The following FASTKD1 variants were observed in gnomAD, a reference collection of about 807,000 sequenced individuals.
FASTKD1 encodes the protein FAST kinase domain-containing protein 1, mitochondrial.
FASTKD1 carries 94 observed loss-of-function variants against 90.9 expected under a neutral mutation model. The ratio of observed to expected loss-of-function variants is 1.03; its 90% CI spans 0.88 to 1.23. The LOEUF (loss-of-function observed/expected upper bound fraction) is 1.23, where lower values mean the gene tolerates loss of function less well. Among genes scored for constraint, FASTKD1 ranks in the 50% most tolerant of loss-of-function variants. FASTKD1 has a pLI of 0.00. For missense variants in FASTKD1, 945 were observed against 993.5 expected, an observed-to-expected ratio of 0.95 and a Z score of 0.66; for synonymous variants, 319 against 345.8, an observed-to-expected ratio of 0.92 and a Z score of 0.86.
chr2:169,529,061 A>G lies in FASTKD1; in HGVS notation c.*764T>C, dbSNP rs1041964242. 4.6e-5 allele frequency among the ~76,000 whole-genome samples: 7 copies of G among 152,112 alleles called. No individual in the cohort carries two copies. Among genetic ancestry groups the G allele is most frequent in the Admixed American group, 2.0e-4 (3 of 15,260 alleles). On this transcript the variant is annotated 3_prime_UTR_variant, in exon 15 of 15. Coordinates refer to ENST00000453153, the MANE Select transcript of FASTKD1 (RefSeq NM_024622.6). ...ATACTGCTGACATTTATACATTTAT[A>G]TCTGGGGCCTGGACCTCTTCCCTGA...
chr2:169,566,261 G>T (rs1683980510), intron 3 of FASTKD1, among the ~76,000 whole-genome samples: 1 of 152,026 alleles, frequency 6.6e-6, no homozygotes. Flanking sequence ...ACATACTGAG[G>T]TATTTAAAGA....
At chr2:169,569,066 A>G in intron 3 of FASTKD1, 118 bp downstream of exon 3, 1 of 818,350 alleles carries the variant, frequency 1.2e-6, no homozygotes, top group Non-Finnish European at 2.0e-6. Context: ...GAGTTTAAAT[A>G]CATTTTTTTC....
chr2:169,562,440 C>G (rs909303247), intron 4 of FASTKD1, among the ~76,000 whole-genome samples: 2 of 151,996 alleles, frequency 1.3e-5, no homozygotes, highest in Non-Finnish European at 2.9e-5. Context: ...GCCATGTTGG[C>G]CAGGCTGGTC....
chr2:169,542,608 G>A (rs1015618951), intron 9 of FASTKD1, among the ~76,000 whole-genome samples: 1 of 152,224 alleles, frequency 6.6e-6, no homozygotes, highest in African/African-American at 2.4e-5. Flanking sequence ...GCACACGCCT[G>A]TAATTCCAGC....
Position 169,555,541 on chromosome 2 carries a change from A to G in FASTKD1, c.1083-286T>C, listed in dbSNP as rs183740912. 5.6e-4 allele frequency among the ~76,000 whole-genome samples: 85 copies of G among 152,358 alleles called. No individual in the cohort carries two copies. The East Asian group carries it at 0.013, about 24-fold the overall frequency. The stretch of plus-strand genomic sequence containing the variant: ...TTCCTCAGTTAAACAAATCTCACAC[A>G]GCATCAACTTCCACATCCTCCCCAT... On this transcript the variant is annotated intron_variant, in intron 6 of 14. Transcript: ENST00000453153.
intron 9 of FASTKD1, among the ~76,000 whole-genome samples, chr2:169,542,682 T>C (rs534443140): frequency 1.3e-5 from 2 of 152,256 alleles, no homozygotes; most frequent in Admixed American, 6.5e-5. Flanking sequence ...CTGGGCAACG[T>C]AGCAAGACCC....
At chr2:169,551,624 C>T (rs956685036) in intron 7 of FASTKD1, among the ~76,000 whole-genome samples, 2 of 152,006 alleles carry the variant, frequency 1.3e-5, no homozygotes, top group African/African-American at 2.4e-5. Flanking sequence ...TGGCAAAACC[C>T]CATCTCTACT....
At chr2:169,537,032 C>G (rs1684750166) in intron 12 of FASTKD1, 195 bp downstream of exon 12, 5 of 241,818 alleles carry the variant, frequency 2.1e-5, no homozygotes, top group Middle Eastern at 1.6e-3. Context: ...AGAAAACGCT[C>G]TTGGTTATCA....
chr2:169,555,002 T>G, intron 7 of FASTKD1, 122 bp downstream of exon 7: 2 of 879,518 alleles, frequency 2.3e-6, no homozygotes, highest in Non-Finnish European at 3.4e-6. Context: ...GTCTTAACAT[T>G]TTTACTAATA....
chr2:169,531,392 T>C lies in FASTKD1; in HGVS notation c.2287A>G (p.Ile763Val). ...QLPEMPWESN[I>V]EIVGSRLPPG... ...GGCAGCCTTGATCCAACTATTTCGA[T>C]ATTTGATTCCCAGGGCATTTCTGGT... Residue 763 changes from isoleucine to valine, a missense_variant, in exon 13 of 15, where the codon ATC (isoleucine) becomes GTC (valine). Coordinates refer to ENST00000453153, the MANE Select transcript of FASTKD1 (RefSeq NM_024622.6). 1.2e-6 allele frequency: 2 copies of C among 1,613,452 alleles called. No homozygotes were observed. Among genetic ancestry groups the C allele is most frequent in the Non-Finnish European group, 1.7e-6 (2 of 1,179,884 alleles).
At chr2:169,556,398 T>G (rs1322098126) in intron 6 of FASTKD1, among the ~76,000 whole-genome samples, 1 of 145,736 alleles carries the variant, frequency 6.9e-6, no homozygotes, top group Non-Finnish European at 1.5e-5. Flanking sequence ...ATGGCACCAC[T>G]GCACTCTAGC....
intron 5 of FASTKD1, among the ~76,000 whole-genome samples, chr2:169,559,134 C>T (rs907724858): frequency 6.6e-6 from 1 of 151,640 alleles, no homozygotes; most frequent in Admixed American, 6.6e-5. Flanking sequence ...CCATCATGCC[C>T]GACTTATCTT....
chr2:169,536,024 C>T (rs1339679310), intron 12 of FASTKD1, among the ~76,000 whole-genome samples: 2 of 151,710 alleles, frequency 1.3e-5, no homozygotes, highest in Non-Finnish European at 2.9e-5. Flanking sequence ...ACCTGTAATC[C>T]CAACACTTTG....
In FASTKD1 at chr2:169,571,938, A is replaced by T; in HGVS notation, c.92T>A (p.Phe31Tyr). 6.2e-7 allele frequency: 1 copy of T among 1,614,086 alleles called. No individual in the cohort carries two copies. The highest frequency in any genetic ancestry group is 8.5e-7 in the Non-Finnish European group (1 of 1,180,002). The change falls in exon 2 of 15, where the codon TTT becomes TAT. Residue 31 changes from phenylalanine to tyrosine, a missense_variant. Coordinates refer to ENST00000453153, the MANE Select transcript of FASTKD1 (RefSeq NM_024622.6). ...TAGTGGTTCACAACTGATGGGTCGA[A>T]ATTGAAACACTCTCCAGGAGAATGG... ...ICPFSWRVFQ[F>Y]RPISCEPLII... is the part of the protein sequence containing the mutation.
At chr2:169,562,042 G>A (rs796769185) in intron 4 of FASTKD1, among the ~76,000 whole-genome samples, 15 of 95,944 alleles carry the variant, frequency 1.6e-4, no homozygotes, top group Admixed American at 3.4e-4. Context: ...TTAATTTATT[G>A]TAAATTAATT....
intron 12 of FASTKD1, among the ~76,000 whole-genome samples, chr2:169,536,290 A>G (rs1335209492): frequency 6.6e-6 from 1 of 152,044 alleles, no homozygotes; most frequent in Non-Finnish European, 1.5e-5. Flanking sequence ...AATCCATGCA[A>G]TCCTAGTCCT....
intron 12 of FASTKD1, among the ~76,000 whole-genome samples, chr2:169,533,329 C>G (rs1684572111): frequency 6.6e-6 from 1 of 152,044 alleles, no homozygotes; most frequent in Non-Finnish European, 1.5e-5. Flanking sequence ...AGATGGAACT[C>G]TGGTGAAAAA....
chr2:169,572,586 A>T (rs1158850130), intron 1 of FASTKD1, among the ~76,000 whole-genome samples: 1 of 151,586 alleles, frequency 6.6e-6, no homozygotes, highest in Non-Finnish European at 1.5e-5. Flanking sequence ...GTATGGTCTC[A>T]GGTTTATTTG....
At chr2:169,549,622 G>A (rs902834495) in intron 7 of FASTKD1, among the ~76,000 whole-genome samples, 2 of 151,656 alleles carry the variant, frequency 1.3e-5, no homozygotes, top group African/African-American at 2.4e-5. Context: ...ATGCCACCAC[G>A]CCCAGCTAAT....
Sources: gnomAD v4.1 joint callset for allele counts (sites outside exome capture counted in the v4.1 genomes callset) on GRCh38, gnomAD v4.1.1 for gene constraint, MANE v1.5 for transcripts, NCBI Gene and HGNC (gene_info 2026-07-23, HGNC 2026-07-21) for gene names.